Variants in SLIT1 observed in about 807,000 individuals in gnomAD.
The protein encoded by SLIT1 is slit homolog 1 protein.
Under a neutral mutation model 186.1 loss-of-function variants are expected in SLIT1, and 66 were observed. The ratio of observed to expected loss-of-function variants is 0.35; its 90% confidence interval spans 0.29 to 0.44. SLIT1 has a LOEUF of 0.44. Ranked by LOEUF, SLIT1 falls within the 20% of genes least tolerant of loss-of-function variation. The pLI, the probability that SLIT1 is intolerant of heterozygous loss-of-function variation, is 1.00. For synonymous variants in SLIT1, 761 were observed against 833.8 expected (o/e 0.91, Z 1.50); for missense variants, 1,638 against 2,037.4 (o/e 0.80, Z 3.77).
chr10:97,107,419 A>G (rs1441805811), intron 4 of SLIT1, among the ~76,000 whole-genome samples: 1 of 152,108 alleles, frequency 6.6e-6, no homozygotes, highest in African/African-American at 2.4e-5. Context: ...TGCCACCTCT[A>G]TTCCCTGGGC....
chr10:97,171,512 G>C (rs1452060290), intron 1 of SLIT1, among the ~76,000 whole-genome samples: 1 of 152,090 alleles, frequency 6.6e-6, no homozygotes, highest in Non-Finnish European at 1.5e-5. Flanking sequence ...CATTGCTCTT[G>C]GAATCAAGAC....
At chr10:97,179,549 G>T (rs1034917236) in intron 1 of SLIT1, among the ~76,000 whole-genome samples, 12 of 152,230 alleles carry the variant, frequency 7.9e-5, no homozygotes, top group Admixed American at 7.9e-4. Flanking sequence ...AGGTGATGAA[G>T]CCAGGATTCA....
At chr10:97,119,345 G>A (rs144070000) in intron 4 of SLIT1, among the ~76,000 whole-genome samples, 2 of 152,272 alleles carry the variant, frequency 1.3e-5, no homozygotes, top group South Asian at 2.1e-4. Flanking sequence ...AAAGGGGCGG[G>A]GGAAGCTAGT....
chr10:97,107,774 C>T (rs1023372752), intron 4 of SLIT1, among the ~76,000 whole-genome samples: 3 of 152,058 alleles, frequency 2.0e-5, no homozygotes, highest in Non-Finnish European at 2.9e-5. Flanking sequence ...GGGTGGAAGA[C>T]AGGGAACCAA....
At chr10:97,165,946 C>A (rs1850099622) in intron 1 of SLIT1, among the ~76,000 whole-genome samples, 1 of 152,060 alleles carries the variant, frequency 6.6e-6, no homozygotes, top group Non-Finnish European at 1.5e-5. Context: ...GCTCCCCCTA[C>A]CCCAGAAAGT....
At chr10:97,109,524 T>C (rs1589397343) in intron 4 of SLIT1, among the ~76,000 whole-genome samples, 1 of 152,300 alleles carries the variant, frequency 6.6e-6, no homozygotes, top group Admixed American at 6.5e-5. Context: ...AGCTGTGGGT[T>C]CCTGCCGCTC....
At chr10:97,012,513 T>G (rs954821915) in intron 30 of SLIT1, among the ~76,000 whole-genome samples, 2 of 152,170 alleles carry the variant, frequency 1.3e-5, no homozygotes, top group Admixed American at 1.3e-4. Context: ...CTAAGCACAA[T>G]GCTTGCCCTT....
chr10:97,121,808 A>G lies in SLIT1; in HGVS notation c.413+36010T>C, dbSNP rs146262507. On this transcript the variant is annotated intron_variant, in intron 4 of 36. Coordinates refer to ENST00000266058, the MANE Select transcript of SLIT1 (RefSeq NM_003061.3). ...ATCAGCTATAGTCCCGCTCAACCCC[A>G]TTGCTTTACCGATGCCACATTCTTG... Among the ~76,000 whole-genome samples the G allele has an allele frequency of 5.9e-5, 9 of 152,164 alleles. No individual in the cohort carries two copies. In the East Asian group the frequency reaches 1.5e-3, roughly 26 times the overall value.
Position 97,060,727 on chromosome 10 carries a change from A to G in SLIT1, c.854T>C (p.Met285Thr). The G allele has an allele frequency of 6.2e-7, 1 of 1,613,712 alleles. No homozygotes were observed. The highest frequency in any genetic ancestry group is 2.2e-5 in the East Asian group (1 of 44,886). Reference protein sequence around the residue: ...CTLSSGSCPAMCTCSNGIVDC... With the variant: ...CTLSSGSCPATCTCSNGIVDC... ...CACGATGCCATTGCTGCAGGTGCAC[A>G]TGGCCGGGCAGGAGCCGGAGGACAG... Residue 285 changes from methionine to threonine, a missense_variant, in exon 9 of 37, where the codon ATG becomes ACG. This residue lies in a region of SLIT1 where 1,245 missense variants were observed against 1,535.3 expected (regional missense o/e 0.81). Coordinates refer to ENST00000266058, the MANE Select transcript of SLIT1 (RefSeq NM_003061.3).
chr10:97,001,646 G>A (rs183367627), intron 36 of SLIT1, among the ~76,000 whole-genome samples: 2 of 152,286 alleles, frequency 1.3e-5, no homozygotes, highest in East Asian at 3.9e-4. Flanking sequence ...AGGCCCCGGG[G>A]GCAATAACAT....
rs932885518 is a variant in SLIT1, at chr10:97,017,741, G to A, written c.2969+845C>T. On this transcript the variant is annotated intron_variant, in intron 28 of 36. Coordinates refer to ENST00000266058, the MANE Select transcript of SLIT1 (RefSeq NM_003061.3). The stretch of plus-strand genomic sequence containing the variant: ...CCCCAGCTGTGTCTCAGGGGCTCAG[G>A]GGGCAGCTTGAGGAGGCTGGCCAGG... 2.0e-5 allele frequency among the ~76,000 whole-genome samples: 3 copies of A among 152,248 alleles called. No individual in the cohort carries two copies. The East Asian group carries it at 5.8e-4, about 29-fold the overall frequency.
chr10:97,002,978 C>T lies in SLIT1; in HGVS notation c.3880G>A (p.Val1294Ile). The change falls in exon 35 of 37, where the codon GTC becomes ATC. Residue 1294 changes from valine to isoleucine, a missense_variant. Physicochemically the swap from Val to Ile is conservative, Grantham distance 29 (BLOSUM62 3). This residue lies in a region of SLIT1 where 173 missense variants were observed against 290.9 expected (regional missense o/e 0.59). Coordinates refer to ENST00000266058, the MANE Select transcript of SLIT1 (RefSeq NM_003061.3). ...CACAGGCGGAAGGCAGCTGAGTTGA[C>T]ATCCACGGGCATCCCTGGGGTAGGG... ...PLYVGGMPVD[V>I]NSAAFRLWQI... The T allele has an allele frequency of 2.5e-6, 4 of 1,613,308 alleles. No homozygotes were observed. Among genetic ancestry groups the T allele is most frequent in the Non-Finnish European group, 3.4e-6 (4 of 1,179,408 alleles).
chr10:97,123,223 G>T (rs1849575265), intron 4 of SLIT1, among the ~76,000 whole-genome samples: 1 of 152,082 alleles, frequency 6.6e-6, no homozygotes, highest in Non-Finnish European at 1.5e-5. Context: ...TTCCCTAAAG[G>T]GATTGCCAAA....
chr10:97,156,422 T>C (rs1849952958), intron 4 of SLIT1, among the ~76,000 whole-genome samples: 1 of 151,790 alleles, frequency 6.6e-6, no homozygotes, highest in South Asian at 2.1e-4. Context: ...TACAAAAAAT[T>C]AAAAAATTAG....
intron 4 of SLIT1, among the ~76,000 whole-genome samples, chr10:97,077,044 T>A (rs57448470): frequency 6.6e-6 from 1 of 152,148 alleles, no homozygotes; most frequent in Non-Finnish European, 1.5e-5. Flanking sequence ...GGTGGGAGGA[T>A]GGCTTGAGGC....
At position 97,043,870 on chromosome 10, in the gene SLIT1, A is replaced by G. The variant is rs1453617639; in HGVS notation, c.1854-357T>C. ...CAGGAGACTTCCTGAAACCTAATCC[A>G]TCATGTCACTCTCCAGCTTAAAGTC... On this transcript the variant is annotated intron_variant, in intron 18 of 36. Transcript: ENST00000266058. The surrounding 1 kb of genome is among the most constrained non-coding windows in gnomAD (Gnocchi z 7.0). Among the ~76,000 whole-genome samples the G allele has an allele frequency of 6.6e-6, 1 of 151,990 alleles. No individual in the cohort carries two copies. Among genetic ancestry groups the G allele is most frequent in the Non-Finnish European group, 1.5e-5 (1 of 67,986 alleles).
At chr10:97,121,302 C>T (rs1454355175) in intron 4 of SLIT1, among the ~76,000 whole-genome samples, 2 of 152,204 alleles carry the variant, frequency 1.3e-5, no homozygotes, top group Admixed American at 6.5e-5. Flanking sequence ...GTCGGCTTAC[C>T]CCCTCCCTTC....
At chr10:97,112,972 G>A (rs1329728699) in intron 4 of SLIT1, among the ~76,000 whole-genome samples, 3 of 152,172 alleles carry the variant, frequency 2.0e-5, no homozygotes, top group Non-Finnish European at 4.4e-5. Context: ...GGGATTACAG[G>A]CATGAGCCAC....
chr10:97,056,891 C>T (rs1485655133), intron 12 of SLIT1, among the ~76,000 whole-genome samples: 3 of 152,270 alleles, frequency 2.0e-5, no homozygotes, highest in Non-Finnish European at 2.9e-5. Flanking sequence ...TCAAGGAGGC[C>T]GAGCTGGCCT....
Sources: gnomAD v4.1 joint callset for allele counts (sites outside exome capture counted in the v4.1 genomes callset) on GRCh38, gnomAD v4.1.1 for gene constraint, gnomAD v4.1.1 regional missense constraint, Gnocchi (gnomAD v3.1) non-coding constraint, MANE v1.5 for transcripts, NCBI Gene and HGNC (gene_info 2026-07-23, HGNC 2026-07-21) for gene names.